ACTR1B: variants seen among roughly 807,000 people sequenced by gnomAD.
ACTR1B encodes the protein actin related protein 1B.
A neutral mutation model predicts 49.4 loss-of-function variants in ACTR1B; 34 were observed. The observed-to-expected ratio is 0.69, with a 90% CI of 0.52 to 0.92. The LOEUF (loss-of-function observed/expected upper bound fraction) is 0.92, where lower values mean the gene tolerates loss of function less well. Ranked by LOEUF, ACTR1B falls within the 40% of genes least tolerant of loss-of-function variation. ACTR1B has a pLI of 0.00. For synonymous variants in ACTR1B, 207 were observed against 207.8 expected (o/e 1.00, Z 0.03); for missense variants, 471 against 522.4 (o/e 0.90, Z 0.96).
At chr2:97,657,766 TCTC>T (rs1164421553) in intron 8 of ACTR1B, among the ~76,000 whole-genome samples, 174 bp downstream of exon 8, 3 of 152,238 alleles carry the variant, frequency 2.0e-5, no homozygotes, top group Non-Finnish European at 4.4e-5. Flanking sequence ...TGTGTAAACT[TCTC>T]CTCTATTCAC....
Position 97,656,885 on chromosome 2 carries a change from G to A in ACTR1B, c.1104C>T (p.Ser368=), listed in dbSNP as rs1674856168. ...AGAAAGTTTTGCGATGAATAGCACG[G>A]GAGCCATCCTCTTCATACTCCTTTT... ...VSKKEYEEDG[S]RAIHRKTF Residue 368 remains serine, a synonymous_variant, in exon 11 of 11, where the codon TCC becomes TCT. Coordinates refer to ENST00000289228, the MANE Select transcript of ACTR1B (RefSeq NM_005735.4). 1 of 1,590,656 alleles carries A rather than the reference G, an allele frequency of 6.3e-7. No individual in the cohort carries two copies. The highest frequency in any genetic ancestry group is 8.6e-7 in the Non-Finnish European group (1 of 1,168,418).
rs983987977 is a variant in ACTR1B, at chr2:97,659,126, C to A, written c.316-123G>T. ...CTCAGCCTCCTACCCCTCCTGAGGG[C>A]CCCATCCCTTTATCTGCTGGCAGTT... On this transcript the variant is annotated intron_variant, in intron 4 of 10. Transcript: ENST00000289228. The surrounding 1 kb of genome is among the most constrained non-coding windows in gnomAD (Gnocchi z 4.0). 3 of 1,499,868 alleles carry A rather than the reference C, an allele frequency of 2.0e-6. No homozygotes were observed. The African/African-American group carries it at 4.1e-5, about 21-fold the overall frequency. The allele number at this position is 1,499,868 out of a possible 1,614,324, so 92.9% of individuals were successfully genotyped here. A position where few individuals can be genotyped will look rare whatever the true frequency, so the allele number is the denominator to read the frequency against.
At chr2:97,657,629 G>T in intron 8 of ACTR1B, 120 bp from the exon 9 acceptor site, 1 of 1,091,510 alleles carries the variant, frequency 9.2e-7, no homozygotes, top group Non-Finnish European at 1.4e-6. Flanking sequence ...CTCTTCCCAG[G>T]ATGAAGGGCA....
At chr2:97,660,728 T>C (rs1674990511) in intron 2 of ACTR1B, 82 bp from the exon 3 acceptor site, 1 of 1,389,866 alleles carries the variant, frequency 7.2e-7, no homozygotes, top group Admixed American at 1.7e-5. Flanking sequence ...CCAACCATAG[T>C]CGCCCAGAGG....
Position 97,659,625 on chromosome 2 carries a change from G to T in ACTR1B, c.190-148C>A. 1 of 1,257,542 alleles carries T rather than the reference G, an allele frequency of 8.0e-7. No individual in the cohort carries two copies. Among genetic ancestry groups the T allele is most frequent in the Non-Finnish European group, 1.1e-6 (1 of 906,268 alleles). 77.9% of individuals were successfully genotyped at this position (1,257,542 alleles called of 1,614,324 possible). ...CTGCTCACTGGGTGTCCCAGGGTCT[G>T]TGGCGGGTCCTGAACTCAGCATGGG... is the stretch of plus-strand genomic sequence containing the variant. On this transcript the variant is annotated intron_variant, in intron 3 of 10. Coordinates refer to ENST00000289228, the MANE Select transcript of ACTR1B (RefSeq NM_005735.4). This position sits in a 1 kb window ranked among gnomAD's most constrained non-coding sequence, Gnocchi z 4.0.
rs1372065847 is a variant in ACTR1B, at chr2:97,658,768, G to A, written c.440+111C>T. 112 of 1,580,404 alleles carry A rather than the reference G, an allele frequency of 7.1e-5. No homozygotes were observed. The highest frequency in any genetic ancestry group is 9.4e-5 in the Non-Finnish European group (108 of 1,152,628). ...GAGAGGACACGAGGGACTCCCTAGA[G>A]GAACAGTCATCAAGGGGCTGTTTTT... On this transcript the variant is annotated intron_variant, in intron 5 of 10. Transcript: ENST00000289228. This position sits in a 1 kb window ranked among gnomAD's most constrained non-coding sequence, Gnocchi z 5.9.
intron 1 of ACTR1B, among the ~76,000 whole-genome samples, chr2:97,663,213 A>T (rs941432553): frequency 6.6e-6 from 1 of 152,220 alleles, no homozygotes; most frequent in African/African-American, 2.4e-5. Context: ...TGAGGCTTCC[A>T]AACGATCACC....
At chr2:97,662,636 C>T (rs1013880679) in intron 1 of ACTR1B, among the ~76,000 whole-genome samples, 1 of 152,128 alleles carries the variant, frequency 6.6e-6, no homozygotes, top group African/African-American at 2.4e-5. Context: ...ACCTCCCACC[C>T]AGCGAAGGGA....
At position 97,659,922 on chromosome 2, in the gene ACTR1B, CCT is replaced by C. The variant is rs772439342; in HGVS notation, c.190-447_190-446del. The C allele has an allele frequency of 2.1e-3, 473 of 220,702 alleles. 2 individuals carry two copies. The highest frequency in any genetic ancestry group is 3.0e-3 in the Non-Finnish European group (328 of 109,908). The allele number at this position is 220,702 out of a possible 1,614,324, so 13.7% of individuals were successfully genotyped here. On this transcript the variant is annotated intron_variant, in intron 3 of 10. Coordinates refer to ENST00000289228, the MANE Select transcript of ACTR1B (RefSeq NM_005735.4). This position sits in a 1 kb window ranked among gnomAD's most constrained non-coding sequence, Gnocchi z 4.0. Reference sequence around the variant, plus strand: ...CCCTTTGGCCGGTCCTCACCAGTCCCCTGTTTGCACTGACATGCTGCCTCCAC... The same window carrying C: ...CCCTTTGGCCGGTCCTCACCAGTCCCGTTTGCACTGACATGCTGCCTCCAC...
intron 2 of ACTR1B, among the ~76,000 whole-genome samples, 180 bp from the exon 3 acceptor site, chr2:97,660,826 G>T (rs918700123): frequency 6.6e-6 from 1 of 152,218 alleles, no homozygotes; most frequent in Admixed American, 6.5e-5. Context: ...AGGGGGCCTA[G>T]GCAGGACGAG....
At position 97,657,475 on chromosome 2, in the gene ACTR1B, C is replaced by T. The variant is rs759100511; in HGVS notation, c.960G>A (p.Lys320=). The change falls in exon 9 of 11, where the codon AAG becomes AAA. Residue 320 remains lysine (K), a synonymous_variant. Transcript: ENST00000289228. Reference sequence around the variant, plus strand: ...TGATTTTGATATCCTTTGGGGCAAGCTTCTTCACTTCACTGAGTAATCGGT... The same window carrying T: ...TGATTTTGATATCCTTTGGGGCAAGTTTCTTCACTTCACTGAGTAATCGGT... ...FGDRLLSEVK[K]LAPKDIKIKI... 6.2e-6 allele frequency: 10 copies of T among 1,614,244 alleles called. No individual in the cohort carries two copies. In the East Asian group the frequency reaches 1.6e-4, roughly 25 times the overall value.
chr2:97,661,471 A>T (rs1308957775), intron 2 of ACTR1B, among the ~76,000 whole-genome samples: 5 of 152,254 alleles, frequency 3.3e-5, no homozygotes, highest in Non-Finnish European at 1.5e-5. Flanking sequence ...AACTGAAACA[A>T]GACATTTTCT....
At position 97,656,764 on chromosome 2, in the gene ACTR1B, C is replaced by A; in HGVS notation, c.*94G>T. On this transcript the variant is annotated 3_prime_UTR_variant, in exon 11 of 11. Coordinates refer to ENST00000289228, the MANE Select transcript of ACTR1B (RefSeq NM_005735.4). Reference sequence around the variant, plus strand: ...CAGGGGTTCAGGGCATGCAGGGGACCCTAAGCCTAGTATACGAGCCAAGAC... The same window carrying A: ...CAGGGGTTCAGGGCATGCAGGGGACACTAAGCCTAGTATACGAGCCAAGAC... 1 of 1,072,766 alleles carries A rather than the reference C, an allele frequency of 9.3e-7. No homozygotes were observed. Among genetic ancestry groups the A allele is most frequent in the Non-Finnish European group, 1.4e-6 (1 of 719,022 alleles). The allele number at this position is 1,072,766 out of a possible 1,614,324, so 66.5% of individuals were successfully genotyped here. A position where few individuals can be genotyped will look rare whatever the true frequency, so the allele number is the denominator to read the frequency against.
intron 2 of ACTR1B, among the ~76,000 whole-genome samples, chr2:97,661,015 C>A (rs752116900): frequency 1.3e-5 from 2 of 152,218 alleles, no homozygotes; most frequent in African/African-American, 4.8e-5. Flanking sequence ...TGAGGGAGGA[C>A]AACCCCAGGA....
chr2:97,661,831 C>T, intron 2 of ACTR1B, 51 bp downstream of exon 2: 1 of 1,542,670 alleles, frequency 6.5e-7, no homozygotes, highest in South Asian at 1.2e-5. Flanking sequence ...GGCCAATGTT[C>T]TTACAGAAGG....
chr2:97,657,899 C>A, intron 8 of ACTR1B, 44 bp downstream of exon 8: 2 of 1,600,858 alleles, frequency 1.2e-6, no homozygotes, highest in Non-Finnish European at 8.5e-7. Context: ...GGTCCAGCTG[C>A]CCTGGGCCTC....
Position 97,659,350 on chromosome 2 carries a change from ACCT to A in ACTR1B, c.314_315+1del. On this transcript the variant is annotated splice_donor_variant and coding_sequence_variant, in exon 4 of 11. Transcript: ENST00000289228. LOFTEE classifies it high-confidence loss of function. This position sits in a 1 kb window ranked among gnomAD's most constrained non-coding sequence, Gnocchi z 4.0. ...AGCATGCAGGAGGGGCAGCCGCCAC[ACCT>A]CCTCCGAGAAGGTCTGCAGCTGATC... is the stretch of plus-strand genomic sequence containing the variant. 1 of 1,613,694 alleles carries A rather than the reference ACCT, an allele frequency of 6.2e-7. No homozygotes were observed. Among genetic ancestry groups the A allele is most frequent in the South Asian group, 1.1e-5 (1 of 91,080 alleles).
chr2:97,663,849 G>T lies in ACTR1B; in HGVS notation c.42C>A (p.Ile14=). The T allele has an allele frequency of 7.0e-7, 1 of 1,418,448 alleles. No individual in the cohort carries two copies. The highest frequency in any genetic ancestry group is 3.2e-5 in the East Asian group (1 of 30,860). The allele number at this position is 1,418,448 out of a possible 1,614,324, so 87.9% of individuals were successfully genotyped here. The change falls in exon 1 of 11, where the codon ATC becomes ATA. Residue 14 remains isoleucine (I), a synonymous_variant. Coordinates refer to ENST00000289228, the MANE Select transcript of ACTR1B (RefSeq NM_005735.4). ...YDIIANQPVV[I]DNGSGVIKAG... is the part of the protein sequence containing the mutation. ...CCTGGCTGCCGGGCCTCACGTTGTC[G>T]ATGACCACAGGCTGGTTGGCGATGA... is the stretch of plus-strand genomic sequence containing the variant.
Position 97,658,429 on chromosome 2 carries a change from CTT to C in ACTR1B, c.653_654del (p.Lys218ArgfsTer14), listed in dbSNP as rs1439476811. The C allele has an allele frequency of 5.0e-6, 8 of 1,613,932 alleles. No homozygotes were observed. The highest frequency in any genetic ancestry group is 2.2e-5 in the South Asian group (2 of 91,054). On this transcript the variant is annotated frameshift_variant, in exon 6 of 11. Coordinates refer to ENST00000289228, the MANE Select transcript of ACTR1B (RefSeq NM_005735.4). LOFTEE classifies it high-confidence loss of function. This position sits in a 1 kb window ranked among gnomAD's most constrained non-coding sequence, Gnocchi z 5.9. ...SAEFEVVRTI[K>X]ERACYLSINP... ...CACACCCTCTCGCCCCTTGTCACCT[CTT>C]TGATTGTCCGGACAACCTCAAACTC...
Sources: gnomAD v4.1 joint callset for allele counts (sites outside exome capture counted in the v4.1 genomes callset) on GRCh38, gnomAD v4.1.1 for gene constraint, Gnocchi (gnomAD v3.1) non-coding constraint, MANE v1.5 for transcripts, NCBI Gene and HGNC (gene_info 2026-07-23, HGNC 2026-07-21) for gene names.